CNTNAP2: variants seen among roughly 807,000 people sequenced by gnomAD.
The protein encoded by CNTNAP2 is contactin-associated protein-like 2.
A neutral mutation model predicts 155.2 loss-of-function variants in CNTNAP2; 98 were observed. The observed-to-expected ratio is 0.63, with a 90% CI of 0.54 to 0.75. The LOEUF is 0.75. Ranked by LOEUF, CNTNAP2 falls within the 30% of genes least tolerant of loss-of-function variation. The pLI is 0.00. For missense variants in CNTNAP2, 1,727 were observed against 1,688.1 expected (o/e 1.02, Z -0.40); for synonymous variants, 651 against 631.2 (o/e 1.03, Z -0.47).
In CNTNAP2 at chr7:148,405,451, C is replaced by T. The variant is rs1279047041; in HGVS notation, c.3716-3940C>T. Reference sequence around the variant, plus strand: ...TTTTTTTTTTTTTTTTTTTTTGAGACGGAGTCTCGCTCTGTCGCCAGGGTG... The same window carrying T: ...TTTTTTTTTTTTTTTTTTTTTGAGATGGAGTCTCGCTCTGTCGCCAGGGTG... On this transcript the variant is annotated intron_variant, in intron 22 of 23. Transcript: ENST00000361727. Among the ~76,000 whole-genome samples, 31 of 62,060 alleles carry T rather than the reference C, an allele frequency of 5.0e-4. 2 individuals carry two copies. Among genetic ancestry groups the T allele is most frequent in the Non-Finnish European group, 2.5e-5 (1 of 40,210 alleles). 40.7% of individuals were successfully genotyped at this position (62,060 alleles called of 152,430 possible). A position where few individuals can be genotyped will look rare whatever the true frequency, so the allele number is the denominator to read the frequency against.
intron 15 of CNTNAP2, among the ~76,000 whole-genome samples, chr7:148,025,776 A>G (rs1259769573): frequency 1.3e-5 from 2 of 152,182 alleles, no homozygotes; most frequent in Admixed American, 1.3e-4. Context: ...CCTCTCCCCA[A>G]ATTCATTTAT....
intron 3 of CNTNAP2, among the ~76,000 whole-genome samples, chr7:146,951,499 G>A (rs781703689): frequency 1.1e-4 from 17 of 151,852 alleles, no homozygotes; most frequent in Non-Finnish European, 1.8e-4. Flanking sequence ...GTCCAGTTTC[G>A]GTTTTCTGCA....
In CNTNAP2 at chr7:146,393,234, G is replaced by A. The variant is rs1219814874; in HGVS notation, c.97+276261G>A. On this transcript the variant is annotated intron_variant, in intron 1 of 23. Transcript: ENST00000361727. The stretch of plus-strand genomic sequence containing the variant: ...TTTTCTACTGAAGTGTTTTTCCAGT[G>A]ACAAAGTTCTTTCATATTCTTCCCA... Among the ~76,000 whole-genome samples the A allele has an allele frequency of 2.0e-5, 3 of 152,100 alleles. No homozygotes were observed. In the East Asian group the frequency reaches 5.8e-4, roughly 29 times the overall value.
intron 3 of CNTNAP2, among the ~76,000 whole-genome samples, chr7:146,983,710 A>G (rs1302306675): frequency 2.6e-5 from 4 of 152,262 alleles, no homozygotes; most frequent in African/African-American, 7.2e-5. Context: ...CCTGTCTGTT[A>G]CGGTACAGAT....
chr7:147,958,946 A>G (rs1000969045), intron 14 of CNTNAP2, among the ~76,000 whole-genome samples: 2 of 152,176 alleles, frequency 1.3e-5, no homozygotes, highest in African/African-American at 2.4e-5. Context: ...ACAAGGTCCC[A>G]GGTGTGTCAG....
At chr7:146,962,790 A>G (rs1220074988) in intron 3 of CNTNAP2, 1 of 152,208 alleles carries the variant, frequency 6.6e-6, no homozygotes, top group Non-Finnish European at 1.5e-5. Context: ...ACCTCACGTG[A>G]TCCACCTGCT....
intron 1 of CNTNAP2, among the ~76,000 whole-genome samples, chr7:146,290,821 C>T (rs1384144517): frequency 6.6e-6 from 1 of 152,202 alleles, no homozygotes; most frequent in East Asian, 1.9e-4. Flanking sequence ...TATAGAATCC[C>T]TATGTTTCCC....
chr7:147,073,521 A>G (rs1212632195), intron 4 of CNTNAP2, among the ~76,000 whole-genome samples: 1 of 152,174 alleles, frequency 6.6e-6, no homozygotes, highest in African/African-American at 2.4e-5. Flanking sequence ...AGGTAATTGA[A>G]ACCGTGTTTG....
chr7:146,725,826 A>G (rs1801422299), intron 1 of CNTNAP2, among the ~76,000 whole-genome samples: 1 of 152,148 alleles, frequency 6.6e-6, no homozygotes, highest in Non-Finnish European at 1.5e-5. Context: ...TCCCATTGCC[A>G]GGTCACCCCC....
At chr7:147,577,010 C>G (rs1407711654) in intron 12 of CNTNAP2, among the ~76,000 whole-genome samples, 2 of 152,076 alleles carry the variant, frequency 1.3e-5, no homozygotes, top group East Asian at 1.9e-4. Flanking sequence ...ACCACATAGC[C>G]TATGAGTTGA....
At chr7:147,699,177 A>G (rs1467505299) in intron 13 of CNTNAP2, among the ~76,000 whole-genome samples, 2 of 151,802 alleles carry the variant, frequency 1.3e-5, no homozygotes, top group African/African-American at 4.8e-5. Flanking sequence ...TATCTAGGTG[A>G]CTTAAGCAAG....
At chr7:147,851,955 A>G (rs1285204882) in intron 13 of CNTNAP2, among the ~76,000 whole-genome samples, 1 of 152,176 alleles carries the variant, frequency 6.6e-6, no homozygotes, top group Non-Finnish European at 1.5e-5. Context: ...TTGTTTAAAA[A>G]AAATCACTGT....
At chr7:146,523,894 T>C (rs801964) in intron 1 of CNTNAP2, among the ~76,000 whole-genome samples, 4,317 of 152,230 alleles carry the variant, frequency 0.028, 200 homozygotes, top group African/African-American at 0.098. Flanking sequence ...TATAGTACTT[T>C]GTTGTTTTCT....
At chr7:148,361,268 G>A (rs780104829) in intron 21 of CNTNAP2, among the ~76,000 whole-genome samples, 12 of 152,140 alleles carry the variant, frequency 7.9e-5, no homozygotes, top group South Asian at 2.1e-4. Context: ...TCTCTCTGAG[G>A]CAAATACTCA....
At chr7:147,259,160 C>A (rs1392905963) in intron 8 of CNTNAP2, among the ~76,000 whole-genome samples, 3 of 152,158 alleles carry the variant, frequency 2.0e-5, no homozygotes, top group African/African-American at 4.8e-5. Flanking sequence ...TTATCAGGTA[C>A]CTGGCTGTAG....
In CNTNAP2 at chr7:148,137,673, G is replaced by GAAGGAAGA. The variant is rs1804983519; in HGVS notation, c.2555-9811_2555-9810insAAAGGAAG. Reference sequence around the variant, plus strand: ...CAAAAGTCTATCTCAGAAAAAAAAGGAAGGAAGGAAGGAAGGAAGGAAGGA... The same window carrying GAAGGAAGA: ...CAAAAGTCTATCTCAGAAAAAAAAGGAAGGAAGAAAGGAAGGAAGGAAGGAAGGAAGGA... On this transcript the variant is annotated intron_variant, in intron 16 of 23. Transcript: ENST00000361727. 1.5e-4 allele frequency among the ~76,000 whole-genome samples: 5 copies of GAAGGAAGA among 33,636 alleles called. No individual in the cohort carries two copies. In the South Asian group the frequency reaches 5.9e-3, roughly 40 times the overall value. 22.1% of individuals were successfully genotyped at this position (33,636 alleles called of 152,430 possible).
chr7:146,974,963 C>A (rs927350098), intron 3 of CNTNAP2, among the ~76,000 whole-genome samples: 2 of 152,028 alleles, frequency 1.3e-5, no homozygotes, highest in African/African-American at 2.4e-5. Context: ...CAGAGAGAGA[C>A]TCTATCTAAA....
chr7:146,533,571 C>G (rs879506543), intron 1 of CNTNAP2, among the ~76,000 whole-genome samples: 1 of 152,152 alleles, frequency 6.6e-6, no homozygotes, highest in African/African-American at 2.4e-5. Flanking sequence ...CTTATAAACA[C>G]TACCCTTTGC....
intron 17 of CNTNAP2, among the ~76,000 whole-genome samples, chr7:148,164,714 G>A (rs1233263540): frequency 6.7e-6 from 1 of 148,490 alleles, no homozygotes; most frequent in Non-Finnish European, 1.5e-5. Context: ...TCCACCTCCT[G>A]GGTTCAAGTC....
Sources: gnomAD v4.1 joint callset for allele counts (sites outside exome capture counted in the v4.1 genomes callset) on GRCh38, gnomAD v4.1.1 for gene constraint, MANE v1.5 for transcripts, NCBI Gene and HGNC (gene_info 2026-07-23, HGNC 2026-07-21) for gene names.